HS2ST1: variants seen among roughly 807,000 people sequenced by gnomAD.
The protein encoded by HS2ST1 is 2-O-sulfotransferase.
Under a neutral mutation model 42.9 loss-of-function variants are expected in HS2ST1, and 18 were observed. That is an observed-to-expected ratio of 0.42 (90% CI 0.29 to 0.62). HS2ST1 has a LOEUF of 0.62. Ranked by LOEUF, HS2ST1 falls within the 20% of genes least tolerant of loss-of-function variation. The probability of loss-of-function intolerance (pLI) is 0.21; values close to 1 mark genes in which losing one functional copy is unlikely to be tolerated. For synonymous variants in HS2ST1, 146 were observed against 152.9 expected, an observed-to-expected ratio of 0.95 and a Z score of 0.33; for missense variants, 334 against 433.8, an observed-to-expected ratio of 0.77 and a Z score of 2.04.
intron 1 of HS2ST1, among the ~76,000 whole-genome samples, chr1:86,951,085 AT>A (rs1314051153): frequency 1.3e-5 from 2 of 152,202 alleles, no homozygotes; most frequent in African/African-American, 4.8e-5. Context: ...AAGTTTCAAT[AT>A]TTGTTTCAGC....
chr1:87,016,604 T>A (rs1038777529), intron 1 of HS2ST1, among the ~76,000 whole-genome samples: 6 of 152,206 alleles, frequency 3.9e-5, no homozygotes, highest in African/African-American at 1.4e-4. Flanking sequence ...AACTGGTAAA[T>A]AAGGGAATAG....
rs777101058 is a variant in HS2ST1 at position 87,092,579 on chromosome 1, T to A, written c.498T>A (p.Pro166=). 6.3e-7 allele frequency: 1 copy of A among 1,588,336 alleles called. No individual in the cohort carries two copies. The highest frequency in any genetic ancestry group is 8.6e-7 in the Non-Finnish European group (1 of 1,166,734). ...KPIYINVIRD[P]IERLVSYYYF... ...TTTACATTAATGTCATAAGGGATCCTATTGAGAGGCTAGTTTCTTATTATT... is the reference window on the plus strand; with the variant it reads ...TTTACATTAATGTCATAAGGGATCCAATTGAGAGGCTAGTTTCTTATTATT... Residue 166 remains proline (P), a synonymous_variant, in exon 4 of 7, where the codon CCT becomes CCA. Transcript: ENST00000370550.
At chr1:87,028,946 C>G (rs1650160755) in intron 1 of HS2ST1, among the ~76,000 whole-genome samples, 1 of 152,126 alleles carries the variant, frequency 6.6e-6, no homozygotes, top group Non-Finnish European at 1.5e-5. Context: ...AAAGTTTGCC[C>G]TAGTGTTCTA....
chr1:87,028,537 T>C (rs987414438), intron 1 of HS2ST1, among the ~76,000 whole-genome samples: 14 of 152,208 alleles, frequency 9.2e-5, no homozygotes, highest in Admixed American at 2.6e-4. Context: ...CTCACTGTTT[T>C]CCCACATGAG....
chr1:87,045,524 G>T, intron 1 of HS2ST1: 1 of 838,220 alleles, frequency 1.2e-6, no homozygotes, highest in Non-Finnish European at 2.1e-6. Context: ...TGGCACATAT[G>T]TAACAATTGG....
At chr1:87,011,825 T>A (rs914749668) in intron 1 of HS2ST1, among the ~76,000 whole-genome samples, 1 of 152,230 alleles carries the variant, frequency 6.6e-6, no homozygotes, top group Admixed American at 6.5e-5. Context: ...CTAAGATATG[T>A]ACCTTGAGGA....
chr1:87,024,485 A>G (rs939713073), intron 1 of HS2ST1, among the ~76,000 whole-genome samples: 6 of 148,586 alleles, frequency 4.0e-5, no homozygotes, highest in Non-Finnish European at 8.9e-5. Context: ...TGGGCGACAG[A>G]GTGAGACTCC....
intron 1 of HS2ST1, among the ~76,000 whole-genome samples, chr1:86,971,759 A>T (rs1204801504): frequency 6.6e-6 from 1 of 152,134 alleles, no homozygotes; most frequent in Non-Finnish European, 1.5e-5. Context: ...AATTTGTAGG[A>T]ATTTTGTGCA....
intron 1 of HS2ST1, among the ~76,000 whole-genome samples, chr1:86,959,086 C>G (rs761233506): frequency 1.1e-4 from 17 of 152,088 alleles, no homozygotes; most frequent in Admixed American, 3.3e-4. Context: ...GGGAAAATTC[C>G]TCAACTTGAT....
At chr1:86,933,795 A>T (rs926655113) in intron 1 of HS2ST1, among the ~76,000 whole-genome samples, 3 of 147,826 alleles carry the variant, frequency 2.0e-5, no homozygotes, top group African/African-American at 7.6e-5. Context: ...CTAGAGGCCT[A>T]TCTGGCTAGG....
chr1:86,989,336 AG>A (rs1015566818), intron 1 of HS2ST1, among the ~76,000 whole-genome samples: 1 of 152,210 alleles, frequency 6.6e-6, no homozygotes, highest in African/African-American at 2.4e-5. Flanking sequence ...ATTTTACCTG[AG>A]GGCTTACCTT....
At chr1:86,965,759 T>G (rs567685043) in intron 1 of HS2ST1, among the ~76,000 whole-genome samples, 2 of 152,246 alleles carry the variant, frequency 1.3e-5, no homozygotes, top group South Asian at 4.1e-4. Flanking sequence ...GTCCTCACAT[T>G]TTTAGATATC....
intron 1 of HS2ST1, among the ~76,000 whole-genome samples, chr1:86,950,059 C>T (rs1294296087): frequency 6.6e-6 from 1 of 152,140 alleles, no homozygotes; most frequent in African/African-American, 2.4e-5. Context: ...AGATAAGATG[C>T]TGAAACCATT....
chr1:86,984,944 A>G (rs1204388018), intron 1 of HS2ST1, among the ~76,000 whole-genome samples: 4 of 151,484 alleles, frequency 2.6e-5, no homozygotes, highest in Non-Finnish European at 4.4e-5. Context: ...TTTCTTACAG[A>G]TAGGAGTTGA....
At chr1:87,034,554 A>G (rs1431932692) in intron 1 of HS2ST1, among the ~76,000 whole-genome samples, 1 of 152,204 alleles carries the variant, frequency 6.6e-6, no homozygotes, top group Non-Finnish European at 1.5e-5. Flanking sequence ...TGAAAATGCA[A>G]ATATTGTACT....
intron 1 of HS2ST1, chr1:86,958,580 A>G (rs1181882901): frequency 6.6e-6 from 1 of 152,230 alleles, no homozygotes; most frequent in Non-Finnish European, 1.5e-5. Flanking sequence ...AATTAACATT[A>G]TGCATATTAT....
At chr1:86,990,377 G>A (rs1648907147) in intron 1 of HS2ST1, among the ~76,000 whole-genome samples, 1 of 152,152 alleles carries the variant, frequency 6.6e-6, no homozygotes, top group Admixed American at 6.6e-5. Flanking sequence ...AGAGTACTCA[G>A]TTCTTCAGAA....
intron 5 of HS2ST1, among the ~76,000 whole-genome samples, chr1:87,102,048 T>TTTATTA (rs756546504): frequency 2.1e-4 from 32 of 151,402 alleles, no homozygotes; most frequent in Admixed American, 2.6e-4. Flanking sequence ...GACCCAGTCG[T>TTTATTA]TTATTATTAT....
chr1:86,928,247 A>G lies in HS2ST1; in HGVS notation c.124+13087A>G, dbSNP rs529314567. 1.2e-3 allele frequency among the ~76,000 whole-genome samples: 178 copies of G among 152,120 alleles called. 1 individual carries two copies. The highest frequency in any genetic ancestry group is 4.1e-3 in the African/African-American group (172 of 41,562). On this transcript the variant is annotated intron_variant, in intron 1 of 6. Transcript: ENST00000370550. ...GACATTATCGTAAGTTTTCAGTGATAAAAAATATACTATTTTAAATATAGG... is the reference window on the plus strand; with the variant it reads ...GACATTATCGTAAGTTTTCAGTGATGAAAAATATACTATTTTAAATATAGG...
Sources: allele counts gnomAD v4.1 joint callset (sites outside exome capture counted in the v4.1 genomes callset), GRCh38; gene constraint gnomAD v4.1.1; transcripts MANE v1.5; gene names NCBI Gene and HGNC (gene_info 2026-07-23, HGNC 2026-07-21).